ANXA13: variants seen among roughly 807,000 people sequenced by gnomAD.
The protein encoded by ANXA13 is annexin A13, also known as annexin XIII.
Under a neutral mutation model 46.6 loss-of-function variants are expected in ANXA13, and 36 were observed. The observed-to-expected ratio is 0.77, with a 90% CI of 0.59 to 1.02. The LOEUF (loss-of-function observed/expected upper bound fraction) is 1.02. Ranked by LOEUF, ANXA13 falls within the 50% of genes least tolerant of loss-of-function variation. The probability of loss-of-function intolerance (pLI) is 0.00; values close to 1 mark genes in which losing one functional copy is unlikely to be tolerated. For missense variants in ANXA13, 417 were observed against 396.5 expected (o/e 1.05, Z -0.44); for synonymous variants, 163 against 152.9 (o/e 1.07, Z -0.49).
intron 1 of ANXA13, among the ~76,000 whole-genome samples, chr8:123,721,074 T>G (rs1388471047): frequency 6.6e-6 from 1 of 152,228 alleles, no homozygotes; most frequent in Non-Finnish European, 1.5e-5. Flanking sequence ...TATTCTTTAC[T>G]TCTATGAGTT....
intron 1 of ANXA13, among the ~76,000 whole-genome samples, chr8:123,733,461 T>C (rs1348646198): frequency 6.6e-6 from 1 of 152,228 alleles, no homozygotes; most frequent in Non-Finnish European, 1.5e-5. Context: ...ATGTTCTTTG[T>C]CCACGTTCAT....
chr8:123,713,313 T>G (rs1329108274), intron 1 of ANXA13, among the ~76,000 whole-genome samples: 1 of 152,228 alleles, frequency 6.6e-6, no homozygotes, highest in African/African-American at 2.4e-5. Context: ...AAGTCCTGTT[T>G]ATATAGTGTA....
intron 1 of ANXA13, chr8:123,729,089 T>G (rs1316706702): frequency 2.6e-5 from 4 of 152,140 alleles, no homozygotes; most frequent in African/African-American, 9.7e-5. Context: ...AAGGCCAACC[T>G]TACTTACTAT....
intron 1 of ANXA13, among the ~76,000 whole-genome samples, chr8:123,726,281 A>G (rs181987414): frequency 6.6e-6 from 1 of 152,234 alleles, no homozygotes; most frequent in Non-Finnish European, 1.5e-5. Flanking sequence ...AGGCTATGCC[A>G]TCTGGGTTAC....
At chr8:123,693,567 A>AT (rs2129842705) in intron 7 of ANXA13, 144 bp downstream of exon 7, 1 of 747,152 alleles carries the variant, frequency 1.3e-6, no homozygotes, top group Non-Finnish European at 2.2e-6. Flanking sequence ...TGGAGACTAT[A>AT]TATATGATCT....
chr8:123,684,837 G>A, intron 9 of ANXA13, 115 bp from the exon 10 acceptor site: 3 of 721,336 alleles, frequency 4.2e-6, no homozygotes, highest in Non-Finnish European at 7.3e-6. Flanking sequence ...GTGAGACAGA[G>A]GTGTGAAAAG....
chr8:123,727,991 C>T (rs1814034375), intron 1 of ANXA13: 1 of 152,114 alleles, frequency 6.6e-6, no homozygotes, highest in East Asian at 1.9e-4. Context: ...GAGCTGAGAT[C>T]AGTTCAAAGT....
At chr8:123,713,424 A>G (rs932059753) in intron 1 of ANXA13, among the ~76,000 whole-genome samples, 4 of 152,220 alleles carry the variant, frequency 2.6e-5, no homozygotes, top group African/African-American at 9.6e-5. Context: ...TTTGCTTATA[A>G]TTATTATTTG....
chr8:123,702,693 TGTCCTGCCC>T lies in ANXA13; in HGVS notation c.126_134del (p.Gly43_Thr45del). The T allele has an allele frequency of 6.2e-7, 1 of 1,614,168 alleles. No individual in the cohort carries two copies. Among genetic ancestry groups the T allele is most frequent in the East Asian group, 2.2e-5 (1 of 44,876 alleles). ...GCTTGATTTGTTGCCTCTCATCTGA[TGTCCTGCCC>T]GATAAGATTTCAATGATGGCTGCTT... On this transcript the variant is annotated inframe_deletion, in exon 3 of 11. Coordinates refer to ENST00000419625, the MANE Select transcript of ANXA13 (RefSeq NM_004306.4).
rs755136156 is a variant in ANXA13 at position 123,684,632 on chromosome 8, C to G, written c.809G>C (p.Arg270Pro). 1.9e-5 allele frequency: 31 copies of G among 1,613,858 alleles called. 1 individual carries two copies. The South Asian group carries it at 3.0e-4, about 15-fold the overall frequency. The change falls in exon 10 of 11, where the codon CGC (arginine) becomes CCC (proline). Residue 270 changes from arginine (R) to proline (P), a missense_variant. Arg to Pro is a moderately radical substitution (Grantham distance 103). Coordinates refer to ENST00000419625, the MANE Select transcript of ANXA13 (RefSeq NM_004306.4). ...GAGTDEETLI[R>P]IVVTRAEVDL... is the part of the protein sequence containing the mutation. The stretch of plus-strand genomic sequence containing the variant: ...TACCTCGGCCCTGGTCACGACTATG[C>G]GAATCAACGTCTCCTCATCGGTCCC...
chr8:123,715,464 G>A (rs1165211014), intron 1 of ANXA13, among the ~76,000 whole-genome samples: 1 of 152,200 alleles, frequency 6.6e-6, no homozygotes, highest in Non-Finnish European at 1.5e-5. Context: ...CCTATCACTC[G>A]GCTAATTCAT....
chr8:123,700,200 T>C (rs1813416624), intron 3 of ANXA13, among the ~76,000 whole-genome samples: 1 of 152,118 alleles, frequency 6.6e-6, no homozygotes, highest in African/African-American at 2.4e-5. Context: ...TACTCTATGG[T>C]GTGGAGTCAT....
intron 1 of ANXA13, among the ~76,000 whole-genome samples, chr8:123,721,369 G>T (rs1813868287): frequency 6.6e-6 from 1 of 152,154 alleles, no homozygotes; most frequent in Non-Finnish European, 1.5e-5. Flanking sequence ...CAGGCACGAG[G>T]CTGTTTTTTC....
intron 8 of ANXA13, among the ~76,000 whole-genome samples, chr8:123,692,004 G>A (rs1309979380): frequency 6.6e-6 from 1 of 152,212 alleles, no homozygotes; most frequent in Non-Finnish European, 1.5e-5. Flanking sequence ...AGAGACCAGG[G>A]GAGTGCAGGG....
intron 1 of ANXA13, among the ~76,000 whole-genome samples, chr8:123,736,385 G>T (rs551233896): frequency 4.0e-5 from 6 of 150,116 alleles, no homozygotes; most frequent in African/African-American, 1.3e-4. Flanking sequence ...ATTCAACTCT[G>T]ATCTGTCCTG....
chr8:123,720,779 C>A (rs1408057193), intron 1 of ANXA13, among the ~76,000 whole-genome samples: 2 of 151,846 alleles, frequency 1.3e-5, no homozygotes, highest in Non-Finnish European at 2.9e-5. Flanking sequence ...AAGAGGGACT[C>A]ACTATGTTGC....
chr8:123,737,199 C>G, intron 1 of ANXA13, 121 bp downstream of exon 1: 2 of 1,026,874 alleles, frequency 1.9e-6, no homozygotes, highest in Admixed American at 4.4e-5. Flanking sequence ...GTTGCTAAAA[C>G]CAATATTAAA....
intron 1 of ANXA13, among the ~76,000 whole-genome samples, chr8:123,736,135 C>A (rs1563623261): frequency 6.6e-6 from 1 of 152,196 alleles, no homozygotes. Context: ...AAAACAATGC[C>A]TTTCCTAAGA....
chr8:123,699,030 T>C (rs901553849), intron 3 of ANXA13, among the ~76,000 whole-genome samples: 3 of 152,126 alleles, frequency 2.0e-5, no homozygotes, highest in East Asian at 1.9e-4. Context: ...CTATTAGCAA[T>C]TGCAGAGGAT....
Sources: allele counts gnomAD v4.1 joint callset (sites outside exome capture counted in the v4.1 genomes callset), GRCh38; gene constraint gnomAD v4.1.1; transcripts MANE v1.5; gene names NCBI Gene and HGNC (gene_info 2026-07-23, HGNC 2026-07-21).